The following TBC1D5 variants were observed in gnomAD, a reference collection of about 807,000 sequenced individuals.
TBC1D5 encodes TBC1 domain family, member 5.
In TBC1D5, 75 loss-of-function variants were observed where a neutral mutation model predicts 100.3. The ratio of observed to expected loss-of-function variants is 0.75; its 90% CI spans 0.62 to 0.91. TBC1D5 has a LOEUF of 0.91. Among genes scored for constraint, TBC1D5 ranks in the 40% least tolerant of loss-of-function variants. The pLI is 0.00. For missense variants in TBC1D5, 910 were observed against 942.4 expected, an observed-to-expected ratio of 0.97 and a Z score of 0.45; for synonymous variants, 323 against 325.6, an observed-to-expected ratio of 0.99 and a Z score of 0.09.
chr3:17,515,351 G>A (rs1373447434), intron 2 of TBC1D5, among the ~76,000 whole-genome samples: 2 of 152,088 alleles, frequency 1.3e-5, no homozygotes, highest in African/African-American at 2.4e-5. Context: ...GGAAACCTAA[G>A]GACGTTTTAG....
intron 9 of TBC1D5, among the ~76,000 whole-genome samples, chr3:17,377,579 A>G (rs1467702135): frequency 6.6e-6 from 1 of 152,040 alleles, no homozygotes; most frequent in African/African-American, 2.4e-5. Flanking sequence ...CACCACTTTT[A>G]GAGGAAATAA....
Position 17,479,396 on chromosome 3 carries a change from C to G in TBC1D5, c.97+29078G>C, listed in dbSNP as rs7628126. ...CAAGCCTGGGTGAGAGACACCCCAT[C>G]TCAGAAAAAATAAAGAAAGGAAACA... On this transcript the variant is annotated intron_variant, in intron 3 of 21. Coordinates refer to ENST00000253692, the Ensembl canonical transcript of TBC1D5. Among the ~76,000 whole-genome samples, 2,364 of 152,158 alleles carry G rather than the reference C, an allele frequency of 0.016. 34 individuals are homozygous for G. The highest frequency in any genetic ancestry group is 0.028 in the Non-Finnish European group (1,917 of 68,000).
chr3:17,176,517 G>A (rs1420645588), intron 19 of TBC1D5, among the ~76,000 whole-genome samples: 2 of 152,108 alleles, frequency 1.3e-5, no homozygotes, highest in Admixed American at 6.6e-5. Context: ...ATATTAAGTT[G>A]GAAACCATCA....
At chr3:17,163,162 A>G (rs1037181550) in intron 21 of TBC1D5, among the ~76,000 whole-genome samples, 6 of 152,128 alleles carry the variant, frequency 3.9e-5, no homozygotes, top group African/African-American at 1.4e-4. Context: ...GTTATCTGGC[A>G]TGCTTCCCCC....
At chr3:17,597,988 T>TAGCC (rs2060680469) in intron 2 of TBC1D5, among the ~76,000 whole-genome samples, 1 of 141,228 alleles carries the variant, frequency 7.1e-6, no homozygotes, top group African/African-American at 2.7e-5. Flanking sequence ...AGAAATAAGG[T>TAGCC]AGCCATTCCC....
At chr3:17,527,323 C>T (rs555910157) in intron 2 of TBC1D5, among the ~76,000 whole-genome samples, 4 of 152,006 alleles carry the variant, frequency 2.6e-5, no homozygotes, top group Admixed American at 6.6e-5. Context: ...GAGCATGCTG[C>T]GAACAGCAAA....
At chr3:17,485,133 TACC>T (rs1240089149) in intron 3 of TBC1D5, among the ~76,000 whole-genome samples, 2 of 152,110 alleles carry the variant, frequency 1.3e-5, no homozygotes, top group Non-Finnish European at 2.9e-5. Flanking sequence ...ATTTAGGATT[TACC>T]TAAATGTTTC....
rs963905040 is a variant in TBC1D5 at position 17,607,607 on chromosome 3, A to G, written c.-36+16242T>C. 4.3e-4 allele frequency among the ~76,000 whole-genome samples: 65 copies of G among 151,756 alleles called. 3 individuals are homozygous for G. The highest frequency in any genetic ancestry group is 2.4e-4 in the Non-Finnish European group (16 of 67,966). On this transcript the variant is annotated intron_variant, in intron 2 of 21. Transcript: ENST00000253692. Reference sequence around the variant, plus strand: ...TCATAATGGGCCCTTTTAGTCCCCTATTCAGCATAATTCCTGCTGACTTCT... The same window carrying G: ...TCATAATGGGCCCTTTTAGTCCCCTGTTCAGCATAATTCCTGCTGACTTCT...
Position 17,254,038 on chromosome 3 carries a change from A to G in TBC1D5, c.1331+4468T>C, listed in dbSNP as rs557027099. Among the ~76,000 whole-genome samples, 4 of 152,318 alleles carry G rather than the reference A, an allele frequency of 2.6e-5. No homozygotes were observed. The East Asian group carries it at 7.7e-4, about 29-fold the overall frequency. The stretch of plus-strand genomic sequence containing the variant: ...AACCAATTCCCCCAGGAACAACTCT[A>G]GTTCATTCCTTTATAGCTGAGTAGT... On this transcript the variant is annotated intron_variant, in intron 16 of 21. Coordinates refer to ENST00000253692, the Ensembl canonical transcript of TBC1D5.
intron 18 of TBC1D5, among the ~76,000 whole-genome samples, chr3:17,191,953 G>C (rs2069966880): frequency 1.3e-5 from 2 of 152,014 alleles, no homozygotes; most frequent in African/African-American, 2.4e-5. Context: ...ATTTATAGGA[G>C]AACATTTAAG....
chr3:17,668,026 T>G (rs567193614), intron 1 of TBC1D5, among the ~76,000 whole-genome samples: 3 of 151,576 alleles, frequency 2.0e-5, no homozygotes, highest in Non-Finnish European at 4.4e-5. Context: ...CTGTGTTATA[T>G]TCTATTAAAA....
intron 19 of TBC1D5, among the ~76,000 whole-genome samples, chr3:17,176,347 A>G (rs1295556035): frequency 1.3e-5 from 2 of 152,206 alleles, no homozygotes; most frequent in Non-Finnish European, 2.9e-5. Context: ...GTTGTGTTAA[A>G]TGCTCTACCA....
chr3:17,493,128 A>T (rs1372582519), intron 3 of TBC1D5, among the ~76,000 whole-genome samples: 3 of 151,808 alleles, frequency 2.0e-5, no homozygotes, highest in Non-Finnish European at 4.4e-5. Flanking sequence ...GGCAAGCCTA[A>T]TGGTGATGAA....
upstream of TBC1D5, among the ~76,000 whole-genome samples, chr3:17,741,825 TTTTTTTG>T: frequency 6.8e-6 from 1 of 146,830 alleles, no homozygotes; most frequent in African/African-American, 2.5e-5. Context: ...TTTTTTTTTT[TTTTTTTG>T]CTCTTATCCT....
intron 2 of TBC1D5, among the ~76,000 whole-genome samples, chr3:17,522,793 C>T (rs1042892794): frequency 1.3e-5 from 2 of 152,076 alleles, no homozygotes; most frequent in African/African-American, 2.4e-5. Flanking sequence ...AATAGAATGT[C>T]TAAAATCTAA....
At chr3:17,702,988 A>G (rs2073422842) in intron 1 of TBC1D5, among the ~76,000 whole-genome samples, 1 of 152,196 alleles carries the variant, frequency 6.6e-6, no homozygotes, top group Admixed American at 6.5e-5. Flanking sequence ...TTAATGCCTC[A>G]GCAGATACAA....
At chr3:17,540,943 A>G (rs1271637025) in intron 2 of TBC1D5, among the ~76,000 whole-genome samples, 3 of 150,894 alleles carry the variant, frequency 2.0e-5, no homozygotes, top group Non-Finnish European at 3.0e-5. Context: ...GTAAGAAAAG[A>G]AAAAAGAAAA....
chr3:17,544,645 C>T (rs370520188), intron 2 of TBC1D5, among the ~76,000 whole-genome samples: 5 of 125,428 alleles, frequency 4.0e-5, no homozygotes, highest in African/African-American at 1.2e-4. Context: ...AGTGAGACTC[C>T]GTCTGAAAAA....
chr3:17,190,471 G>A (rs1157654248), intron 18 of TBC1D5, among the ~76,000 whole-genome samples: 1 of 152,222 alleles, frequency 6.6e-6, no homozygotes, highest in Non-Finnish European at 1.5e-5. Context: ...AGGCAGGAAA[G>A]TATGGCACCT....
Sources: gnomAD v4.1 joint callset for allele counts (sites outside exome capture counted in the v4.1 genomes callset) on GRCh38, gnomAD v4.1.1 for gene constraint, MANE v1.5 for transcripts, NCBI Gene and HGNC (gene_info 2026-07-23, HGNC 2026-07-21) for gene names.